Variants in CTTNBP2 observed in about 807,000 individuals in gnomAD.
CTTNBP2 encodes the protein cortactin binding protein 2.
A neutral mutation model predicts 156.9 loss-of-function variants in CTTNBP2; 108 were observed. The ratio of observed to expected loss-of-function variants is 0.69; its 90% CI spans 0.59 to 0.81. The LOEUF is 0.81. CTTNBP2 is among the 30% of genes least tolerant of loss of function. CTTNBP2 has a pLI of 0.00. For missense variants in CTTNBP2, 1,924 were observed against 2,035.4 expected, an observed-to-expected ratio of 0.95 and a Z score of 1.05; for synonymous variants, 767 against 751.8, an observed-to-expected ratio of 1.02 and a Z score of -0.33.
intron 2 of CTTNBP2, among the ~76,000 whole-genome samples, chr7:117,852,252 T>C (rs567123885): frequency 2.0e-5 from 3 of 151,650 alleles, no homozygotes; most frequent in Admixed American, 1.3e-4. Flanking sequence ...AAATTTCTAT[T>C]TAAGGACTGA....
chr7:117,766,970 T>A, intron 9 of CTTNBP2, 89 bp downstream of exon 9: 1 of 780,602 alleles, frequency 1.3e-6, no homozygotes, highest in South Asian at 1.5e-5. Context: ...AAAAAGGACA[T>A]GCAAAAGATG....
At position 117,792,099 on chromosome 7, in the gene CTTNBP2, A is replaced by G. The variant is rs775443752; in HGVS notation, c.1097T>C (p.Ile366Thr). 9.3e-6 allele frequency: 15 copies of G among 1,614,000 alleles called. No homozygotes were observed. In the South Asian group the frequency reaches 9.9e-5, roughly 11 times the overall value. Residue 366 changes from isoleucine to threonine, a missense_variant, in exon 4 of 23, where the codon ATT becomes ACT. Physicochemically the swap from Ile to Thr is moderately conservative, Grantham distance 89. Coordinates refer to ENST00000160373, the MANE Select transcript of CTTNBP2 (RefSeq NM_033427.3). This position sits in a 1 kb window ranked among gnomAD's most constrained non-coding sequence, Gnocchi z 4.2. ...TGGGAAAGCGGGTACAGAAGCGCCA[A>G]TCAAGTCACCATAGGAAGCCTGCCT... is the stretch of plus-strand genomic sequence containing the variant. ...IDRQASYGDLIGASVPAFPPP... is the reference protein window; with the variant it reads ...IDRQASYGDLTGASVPAFPPP...
chr7:117,776,595 C>T (rs1798115874), intron 8 of CTTNBP2, among the ~76,000 whole-genome samples: 1 of 152,194 alleles, frequency 6.6e-6, no homozygotes, highest in Non-Finnish European at 1.5e-5. Flanking sequence ...AACCACTCTC[C>T]TTTCTCAGTG....
chr7:117,713,818 T>C (rs1794188963), intron 22 of CTTNBP2: 1 of 152,192 alleles, frequency 6.6e-6, no homozygotes, highest in African/African-American at 2.4e-5. Flanking sequence ...GGAACAGCAA[T>C]GTAACTCTAA....
intron 2 of CTTNBP2, among the ~76,000 whole-genome samples, chr7:117,816,142 G>A (rs553082053): frequency 3.3e-5 from 5 of 152,316 alleles, no homozygotes; most frequent in Admixed American, 3.3e-4. Context: ...ACTCCTCTAT[G>A]CAGGACTAAT....
intron 2 of CTTNBP2, among the ~76,000 whole-genome samples, chr7:117,859,550 A>G (rs576210145): frequency 3.2e-4 from 49 of 151,998 alleles, no homozygotes; most frequent in Non-Finnish European, 5.9e-4. Context: ...CTTCTATCTC[A>G]CCACAAGAGG....
intron 9 of CTTNBP2, among the ~76,000 whole-genome samples, chr7:117,762,372 CT>C (rs1156874794): frequency 6.6e-6 from 1 of 152,212 alleles, no homozygotes; most frequent in Non-Finnish European, 1.5e-5. Flanking sequence ...GCCTTTCCCC[CT>C]AACAAGTACT....
intron 14 of CTTNBP2, among the ~76,000 whole-genome samples, chr7:117,737,662 C>T (rs1245139577): frequency 1.3e-5 from 2 of 152,100 alleles, no homozygotes; most frequent in East Asian, 1.9e-4. Context: ...CAACCTCCAC[C>T]TCCCGGGTTC....
At chr7:117,739,306 A>G (rs1386961360) in intron 14 of CTTNBP2, among the ~76,000 whole-genome samples, 1 of 152,220 alleles carries the variant, frequency 6.6e-6, no homozygotes, top group African/African-American at 2.4e-5. Context: ...GGGCTTATGG[A>G]GAGGTGAAAG....
chr7:117,714,295 C>T (rs565385476), intron 22 of CTTNBP2: 3 of 152,310 alleles, frequency 2.0e-5, no homozygotes, highest in African/African-American at 7.2e-5. Flanking sequence ...TTTTTCCTAA[C>T]AAGAAATTAC....
rs111469479 is a variant in CTTNBP2, at chr7:117,843,864, C to T, written c.189+17345G>A. Reference sequence around the variant, plus strand: ...CCCCCAAAGATGTCCACATCCTAATCTCCGGGACCTGTGAATATGTTCCCT... The same window carrying T: ...CCCCCAAAGATGTCCACATCCTAATTTCCGGGACCTGTGAATATGTTCCCT... On this transcript the variant is annotated intron_variant, in intron 2 of 22. Coordinates refer to ENST00000160373, the MANE Select transcript of CTTNBP2 (RefSeq NM_033427.3). Among the ~76,000 whole-genome samples, 537 of 152,270 alleles carry T rather than the reference C, an allele frequency of 3.5e-3. 6 individuals carry two copies. The highest frequency in any genetic ancestry group is 0.012 in the African/African-American group (512 of 41,558).
chr7:117,817,350 A>AT (rs1800656883), intron 2 of CTTNBP2, among the ~76,000 whole-genome samples: 22 of 55,496 alleles, frequency 4.0e-4, no homozygotes, highest in East Asian at 6.4e-4. Context: ...AAAAAAAAAA[A>AT]AAAAAAAAAA....
chr7:117,780,848 C>T (rs371190246), intron 6 of CTTNBP2, among the ~76,000 whole-genome samples: 1 of 152,170 alleles, frequency 6.6e-6, no homozygotes, highest in African/African-American at 2.4e-5. Flanking sequence ...TGCTTTATGA[C>T]ACTTCCCTAT....
At position 117,791,147 on chromosome 7, in the gene CTTNBP2, G is replaced by C. The variant is rs780041467; in HGVS notation, c.2049C>G (p.Ser683Arg). 4.3e-5 allele frequency: 69 copies of C among 1,613,742 alleles called. No individual in the cohort carries two copies. The highest frequency in any genetic ancestry group is 5.8e-5 in the Non-Finnish European group (68 of 1,179,678). Residue 683 changes from serine to arginine, a missense_variant, in exon 4 of 23, where the codon AGC (serine) becomes AGG (arginine). Ser to Arg is a moderately radical substitution (Grantham distance 110, BLOSUM62 -1). Transcript: ENST00000160373. ...CTTTACCTGATGCTGTTACCAGGAG[G>C]CTGTCTGAGGCACCTGGTCTACAGG... Reference protein sequence around the residue: ...ASSCRPGASDSLLVTASGWSP... With the variant: ...ASSCRPGASDRLLVTASGWSP...
chr7:117,859,848 C>T (rs1803593362), intron 2 of CTTNBP2, among the ~76,000 whole-genome samples: 1 of 152,186 alleles, frequency 6.6e-6, no homozygotes, highest in African/African-American at 2.4e-5. Flanking sequence ...TTTCTGCAAT[C>T]AAATTGATGG....
intron 8 of CTTNBP2, among the ~76,000 whole-genome samples, chr7:117,767,578 T>C (rs1158237335): frequency 5.9e-5 from 9 of 152,196 alleles, no homozygotes; most frequent in African/African-American, 1.7e-4. Context: ...TGCTGTCTTC[T>C]AGACTATAAA....
intron 3 of CTTNBP2, among the ~76,000 whole-genome samples, chr7:117,794,987 C>T (rs945487274): frequency 3.3e-5 from 5 of 149,598 alleles, no homozygotes; most frequent in East Asian, 2.0e-4. Context: ...CTCCGCTTCC[C>T]GGGTTCACGC....
At chr7:117,824,293 T>C (rs1191906061) in intron 2 of CTTNBP2, among the ~76,000 whole-genome samples, 1 of 152,214 alleles carries the variant, frequency 6.6e-6, no homozygotes, top group Non-Finnish European at 1.5e-5. Flanking sequence ...CCTTTTAATC[T>C]AAAAATTATG....
At chr7:117,733,133 G>C (rs1007350408) in intron 16 of CTTNBP2, among the ~76,000 whole-genome samples, 2 of 152,144 alleles carry the variant, frequency 1.3e-5, no homozygotes, top group Non-Finnish European at 2.9e-5. Context: ...TTGCCAGTGT[G>C]CTTTAAGTGC....
Sources: allele counts gnomAD v4.1 joint callset (sites outside exome capture counted in the v4.1 genomes callset), GRCh38; gene constraint gnomAD v4.1.1; non-coding constraint Gnocchi (gnomAD v3.1); transcripts MANE v1.5; gene names NCBI Gene and HGNC (gene_info 2026-07-23, HGNC 2026-07-21).